Variants in MYRIP observed in about 807,000 individuals in gnomAD.
MYRIP encodes rab effector MyRIP.
In MYRIP, 49 loss-of-function variants were observed where a neutral mutation model predicts 98.0. That is an observed-to-expected ratio of 0.50 (90% CI 0.40 to 0.63). MYRIP has a LOEUF of 0.63. MYRIP is among the 30% of genes least tolerant of loss of function. MYRIP has a pLI of 0.00. For missense variants in MYRIP, 1,004 were observed against 1,058.2 expected, an observed-to-expected ratio of 0.95 and a Z score of 0.71; for synonymous variants, 404 against 409.5, an observed-to-expected ratio of 0.99 and a Z score of 0.16.
At chr3:40,203,967 T>A (rs1951674924) in intron 10 of MYRIP, among the ~76,000 whole-genome samples, 2 of 13,230 alleles carry the variant, frequency 1.5e-4, no homozygotes, top group Admixed American at 1.5e-3. Context: ...TTATATACAT[T>A]ATATATATTA....
chr3:39,855,476 G>C (rs941887075), intron 1 of MYRIP, among the ~76,000 whole-genome samples: 8 of 152,082 alleles, frequency 5.3e-5, no homozygotes, highest in Admixed American at 1.3e-4. Context: ...GGAGAGTCTG[G>C]TTTCAGACTC....
In MYRIP at chr3:40,189,709, G is replaced by A. The variant is rs908020505; in HGVS notation, c.1028-117G>A. The A allele has an allele frequency of 8.9e-6, 10 of 1,124,686 alleles. No homozygotes were observed. The East Asian group carries it at 9.6e-5, about 11-fold the overall frequency. 69.7% of individuals were successfully genotyped at this position (1,124,686 alleles called of 1,614,324 possible). A position where few individuals can be genotyped will look rare whatever the true frequency, so the allele number is the denominator to read the frequency against. Reference sequence around the variant, plus strand: ...GTTTGCCTTCCTGGGCTTCCTAAAGGCAACTGCTCTCCAACAGCCCCACAA... The same window carrying A: ...GTTTGCCTTCCTGGGCTTCCTAAAGACAACTGCTCTCCAACAGCCCCACAA... On this transcript the variant is annotated intron_variant, in intron 9 of 16. Coordinates refer to ENST00000302541, the MANE Select transcript of MYRIP (RefSeq NM_015460.4).
At chr3:39,979,650 C>CAAAAAAAAAAAAAAAA (rs1400253573) in intron 2 of MYRIP, among the ~76,000 whole-genome samples, 2 of 79,026 alleles carry the variant, frequency 2.5e-5, no homozygotes, top group Non-Finnish European at 5.9e-5. Context: ...AAAACCAAAA[C>CAAAAAAAAAAAAAAAA]AAAACAAAAA....
intron 3 of MYRIP, among the ~76,000 whole-genome samples, chr3:40,130,433 A>T (rs995173972): frequency 2.7e-5 from 4 of 145,704 alleles, no homozygotes; most frequent in Non-Finnish European, 5.9e-5. Context: ...GCGGGAGTGC[A>T]GTGGCGCAAT....
At chr3:40,121,747 A>G (rs1949410576) in intron 3 of MYRIP, among the ~76,000 whole-genome samples, 1 of 152,230 alleles carries the variant, frequency 6.6e-6, no homozygotes. Context: ...GTAGAGACAA[A>G]TAATATTTTA....
chr3:39,888,162 G>A, intron 1 of MYRIP, among the ~76,000 whole-genome samples: 1 of 151,744 alleles, frequency 6.6e-6, no homozygotes, highest in African/African-American at 2.4e-5. Context: ...TTTCTTCACA[G>A]AATTAGAAAA....
chr3:40,071,845 C>T (rs1948237912), intron 3 of MYRIP, among the ~76,000 whole-genome samples: 1 of 152,122 alleles, frequency 6.6e-6, no homozygotes, highest in African/African-American at 2.4e-5. Context: ...TGGGGTGTGG[C>T]ATGGTGATAT....
chr3:39,837,461 A>G (rs1163956559), intron 1 of MYRIP, among the ~76,000 whole-genome samples: 1 of 152,278 alleles, frequency 6.6e-6, no homozygotes. Context: ...AACACCATTT[A>G]TTAAATAGGG....
At chr3:39,955,496 C>T (rs1385932411) in intron 2 of MYRIP, among the ~76,000 whole-genome samples, 2 of 152,100 alleles carry the variant, frequency 1.3e-5, no homozygotes, top group Non-Finnish European at 2.9e-5. Context: ...CTGTCACCAC[C>T]AGGCCTGCCA....
chr3:39,979,762 C>T (rs1480547735), intron 2 of MYRIP, among the ~76,000 whole-genome samples: 1 of 151,694 alleles, frequency 6.6e-6, no homozygotes, highest in African/African-American at 2.4e-5. Context: ...CATTTGATTT[C>T]ATGGCATTTA....
intron 2 of MYRIP, among the ~76,000 whole-genome samples, chr3:39,928,675 A>G (rs1944472470): frequency 6.6e-6 from 1 of 151,594 alleles, no homozygotes; most frequent in African/African-American, 2.4e-5. Flanking sequence ...GAATAGAGGT[A>G]ACTTCCTCAA....
At chr3:40,071,426 G>A (rs549607570) in intron 3 of MYRIP, among the ~76,000 whole-genome samples, 1 of 152,182 alleles carries the variant, frequency 6.6e-6, no homozygotes, top group Admixed American at 6.5e-5. Flanking sequence ...TTTGACCATA[G>A]AGAATGGGGT....
intron 7 of MYRIP, among the ~76,000 whole-genome samples, chr3:40,168,300 T>C (rs781224983): frequency 3.9e-5 from 6 of 152,188 alleles, no homozygotes; most frequent in Admixed American, 2.0e-4. Context: ...GCATCCTAAG[T>C]TGAAAGTATC....
intron 2 of MYRIP, among the ~76,000 whole-genome samples, chr3:39,973,542 C>A (rs1945657972): frequency 6.6e-6 from 1 of 152,120 alleles, no homozygotes; most frequent in Non-Finnish European, 1.5e-5. Flanking sequence ...CAGCTCTGCA[C>A]CAAGCGGACC....
intron 1 of MYRIP, among the ~76,000 whole-genome samples, chr3:39,837,998 C>T (rs991000210): frequency 1.3e-5 from 2 of 152,136 alleles, no homozygotes; most frequent in African/African-American, 4.8e-5. Context: ...GGAGTTCACT[C>T]ATGATTTGGC....
intron 3 of MYRIP, among the ~76,000 whole-genome samples, chr3:40,128,374 C>T (rs1949564490): frequency 6.6e-6 from 1 of 152,220 alleles, no homozygotes; most frequent in South Asian, 2.1e-4. Flanking sequence ...ATCTGGACAA[C>T]ATAGTTGCAC....
chr3:39,841,349 G>A (rs9858896), intron 1 of MYRIP, among the ~76,000 whole-genome samples: 29,963 of 151,806 alleles, frequency 0.2, 3,070 homozygotes, highest in South Asian at 0.29. Flanking sequence ...AGCAGTTCCT[G>A]TAACCTTTTA....
intron 13 of MYRIP, among the ~76,000 whole-genome samples, chr3:40,245,747 A>ATTTTTTTTTTTTTTTT (rs539410162): frequency 1.0e-5 from 1 of 95,854 alleles, no homozygotes. Context: ...TGGTTTGCTG[A>ATTTTTTTTTTTTTTTT]TTTTTTTTTT....
intron 8 of MYRIP, among the ~76,000 whole-genome samples, chr3:40,170,818 C>T (rs572405256): frequency 6.6e-6 from 1 of 152,288 alleles, no homozygotes; most frequent in East Asian, 1.9e-4. Flanking sequence ...CACAGGTGCA[C>T]TTCAAAACTG....
Sources: gnomAD v4.1 joint callset for allele counts (sites outside exome capture counted in the v4.1 genomes callset) on GRCh38, gnomAD v4.1.1 for gene constraint, MANE v1.5 for transcripts, NCBI Gene and HGNC (gene_info 2026-07-23, HGNC 2026-07-21) for gene names.